RYR2: variants seen among roughly 807,000 people sequenced by gnomAD.
RYR2 encodes cardiac muscle ryanodine receptor-calcium release channel.
Under a neutral mutation model 601.1 loss-of-function variants are expected in RYR2, and 227 were observed. That is an observed-to-expected ratio of 0.38 (90% CI 0.34 to 0.42). The LOEUF is 0.42. Ranked by LOEUF, RYR2 falls within the 10% of genes least tolerant of loss-of-function variation. The pLI is 1.00. For missense variants in RYR2, 4,646 were observed against 6,156.5 expected (o/e 0.75, Z 8.21); for synonymous variants, 2,223 against 2,175.1 (o/e 1.02, Z -0.61).
chr1:237,503,448 C>T lies in RYR2; in HGVS notation c.2556C>T (p.Gly852=). 6.2e-7 allele frequency: 1 copy of T among 1,613,944 alleles called. No individual in the cohort carries two copies. The highest frequency in any genetic ancestry group is 8.5e-7 in the Non-Finnish European group (1 of 1,179,880). Residue 852 remains glycine (G), a synonymous_variant, in exon 22 of 105, where the codon GGC becomes GGT. Transcript: ENST00000366574. ...GAACTTACACACGCGACCTGCTGGG[C>T]CCCACAGTTTCCCTGACGCAAGCTG... ...QERTYTRDLL[G]PTVSLTQAAF...
At chr1:237,548,328 G>T in intron 25 of RYR2, 103 bp from the exon 26 acceptor site, 2 of 1,255,550 alleles carry the variant, frequency 1.6e-6, no homozygotes, top group African/African-American at 1.5e-5. Context: ...TACCACTGTG[G>T]TTTATGGAAG....
chr1:237,633,474 CAT>C (rs1237363242), intron 42 of RYR2, 102 bp from the exon 43 acceptor site: 1 of 1,381,740 alleles, frequency 7.2e-7, no homozygotes, highest in Non-Finnish European at 1.0e-6. Context: ...TTGGCACACA[CAT>C]GGACACACGG....
At chr1:237,072,178 G>T (rs905732100) in intron 1 of RYR2, among the ~76,000 whole-genome samples, 1 of 152,148 alleles carries the variant, frequency 6.6e-6, no homozygotes, top group Admixed American at 6.5e-5. Context: ...CTTGTTCCTC[G>T]TGCCCTCCGG....
intron 27 of RYR2, among the ~76,000 whole-genome samples, chr1:237,551,321 A>G (rs1670370625): frequency 6.6e-6 from 1 of 152,000 alleles, no homozygotes; most frequent in African/African-American, 2.4e-5. Context: ...CAAGGTCAGG[A>G]GATTGAGACC....
intron 74 of RYR2, among the ~76,000 whole-genome samples, chr1:237,725,845 A>C (rs1024758382): frequency 6.6e-6 from 1 of 152,082 alleles, no homozygotes; most frequent in Non-Finnish European, 1.5e-5. Flanking sequence ...ATGTTTGTCA[A>C]CTGTCACCCA....
In RYR2 at chr1:237,408,401, TATATAA is replaced by T. The variant is rs746657806; in HGVS notation, c.774-8645_774-8640del. ...TCTGTGTCTAGATTCTTTATATATA[TATATAA>T]ATGGATATCCAGTCTTTTCAGTACT... On this transcript the variant is annotated intron_variant, in intron 10 of 104. Coordinates refer to ENST00000366574, the MANE Select transcript of RYR2 (RefSeq NM_001035.3). 7.4e-4 allele frequency among the ~76,000 whole-genome samples: 110 copies of T among 147,994 alleles called. 1 individual carries two copies. Among genetic ancestry groups the T allele is most frequent in the Non-Finnish European group, 1.3e-3 (89 of 67,200 alleles).
intron 6 of RYR2, among the ~76,000 whole-genome samples, chr1:237,373,496 G>A (rs1700799556): frequency 1.3e-5 from 2 of 152,266 alleles, no homozygotes; most frequent in Middle Eastern, 3.4e-3. Flanking sequence ...TCTAAAGGGG[G>A]CTTGCTGGCA....
intron 58 of RYR2, among the ~76,000 whole-genome samples, chr1:237,672,537 T>C (rs1191313373): frequency 6.6e-6 from 1 of 152,246 alleles, no homozygotes; most frequent in Non-Finnish European, 1.5e-5. Context: ...GTATACAATG[T>C]GTAATGATCA....
chr1:237,703,562 T>TTA (rs945612707), intron 66 of RYR2, among the ~76,000 whole-genome samples: 7 of 148,238 alleles, frequency 4.7e-5, no homozygotes, highest in South Asian at 2.1e-4. Flanking sequence ...TTTTTTACCT[T>TTA]TATATATATA....
intron 46 of RYR2, 64 bp downstream of exon 46, chr1:237,639,265 A>G (rs1241356487): frequency 2.2e-6 from 3 of 1,377,796 alleles, no homozygotes; most frequent in African/African-American, 1.4e-5. Flanking sequence ...TTTATAAAAT[A>G]TATTCTGCAT....
intron 78 of RYR2, 35 bp from the exon 79 acceptor site, chr1:237,733,670 C>G: frequency 6.6e-7 from 1 of 1,511,092 alleles, no homozygotes; most frequent in Non-Finnish European, 9.2e-7. Flanking sequence ...TAGCCTTCTG[C>G]TTAAACACTG....
chr1:237,575,160 C>T (rs553182354), intron 29 of RYR2, among the ~76,000 whole-genome samples: 10 of 152,258 alleles, frequency 6.6e-5, no homozygotes, highest in East Asian at 1.9e-4. Context: ...TTTAGATGTA[C>T]GTATAATTCT....
intron 99 of RYR2, among the ~76,000 whole-genome samples, chr1:237,808,020 T>C (rs1660832567): frequency 6.6e-6 from 1 of 152,174 alleles, no homozygotes; most frequent in Non-Finnish European, 1.5e-5. Context: ...CTTATAGCTA[T>C]CCAAAAATTA....
At chr1:237,774,971 A>G (rs1453018333) in intron 87 of RYR2, among the ~76,000 whole-genome samples, 1 of 139,038 alleles carries the variant, frequency 7.2e-6, no homozygotes, top group African/African-American at 3.0e-5. Flanking sequence ...CTCTTACTAT[A>G]TGCAAAACTC....
intron 1 of RYR2, among the ~76,000 whole-genome samples, chr1:237,142,239 A>G (rs1214431916): frequency 1.3e-5 from 2 of 152,176 alleles, no homozygotes; most frequent in Non-Finnish European, 2.9e-5. Flanking sequence ...GCTCTGTCCT[A>G]TTTCTCATGT....
At chr1:237,724,488 C>T (rs1278102017) in intron 74 of RYR2, among the ~76,000 whole-genome samples, 8 of 151,724 alleles carry the variant, frequency 5.3e-5, no homozygotes, top group African/African-American at 4.8e-5. Flanking sequence ...CAATTTATCA[C>T]TACACTTGAT....
At chr1:237,155,675 A>G (rs2485588) in intron 1 of RYR2, among the ~76,000 whole-genome samples, 150,771 of 152,270 alleles carry the variant, frequency 0.99, 74,660 homozygotes, top group Middle Eastern at 1. Flanking sequence ...TTTATGTAGG[A>G]CCAGCTATTT....
chr1:237,489,120 T>C (rs1477676346), intron 17 of RYR2, among the ~76,000 whole-genome samples: 1 of 152,140 alleles, frequency 6.6e-6, no homozygotes, highest in Non-Finnish European at 1.5e-5. Context: ...AAATAGGCAG[T>C]ATGCGTCTGA....
In RYR2 at chr1:237,454,468, A is replaced by G. The variant is rs750490655; in HGVS notation, c.1370A>G (p.Gln457Arg). Residue 457 changes from glutamine to arginine, a missense_variant, in exon 15 of 105, where the codon CAG becomes CGG. Physicochemically the swap from Gln to Arg is conservative, Grantham distance 43. Transcript: ENST00000366574. ...ATAGAGTCCGTAAGCCTAAGTCTGC[A>G]GGATCTCATTGGCTACTTCCACCCC... ...LPIESVSLSL[Q>R]DLIGYFHPPD... The G allele has an allele frequency of 6.2e-7, 1 of 1,613,666 alleles. No individual in the cohort carries two copies. The highest frequency in any genetic ancestry group is 8.5e-7 in the Non-Finnish European group (1 of 1,179,684).
Sources: allele counts gnomAD v4.1 joint callset (sites outside exome capture counted in the v4.1 genomes callset), GRCh38; gene constraint gnomAD v4.1.1; transcripts MANE v1.5; gene names NCBI Gene and HGNC (gene_info 2026-07-23, HGNC 2026-07-21).